KMT5B: variants seen among roughly 807,000 people sequenced by gnomAD.
The protein encoded by KMT5B is histone-lysine N-methyltransferase KMT5B.
KMT5B carries 10 observed loss-of-function variants against 83.2 expected under a neutral mutation model. The ratio of observed to expected loss-of-function variants is 0.12; its 90% CI spans 0.07 to 0.20. The LOEUF is 0.20. Ranked by LOEUF, KMT5B falls within the 10% of genes least tolerant of loss-of-function variation. KMT5B has a pLI of 1.00. For synonymous variants in KMT5B, 349 were observed against 388.8 expected, an observed-to-expected ratio of 0.90 and a Z score of 1.20; for missense variants, 753 against 1,067.2, an observed-to-expected ratio of 0.71 and a Z score of 4.10.
chr11:68,209,812 T>G (rs1301156293), intron 1 of KMT5B, among the ~76,000 whole-genome samples: 1 of 152,030 alleles, frequency 6.6e-6, no homozygotes. Context: ...GTGTACCACC[T>G]AGAGGTTTAT....
chr11:68,210,430 T>G (rs73494631), intron 1 of KMT5B, among the ~76,000 whole-genome samples: 1 of 152,196 alleles, frequency 6.6e-6, no homozygotes, highest in Non-Finnish European at 1.5e-5. Context: ...GGCAGTGAAG[T>G]GTAAAAGATG....
intron 1 of KMT5B, among the ~76,000 whole-genome samples, chr11:68,201,487 G>A (rs1417442352): frequency 2.6e-5 from 4 of 151,970 alleles, no homozygotes; most frequent in African/African-American, 7.3e-5. Context: ...TGACTTTTGA[G>A]AAATTGTGTC....
In KMT5B at chr11:68,159,048, T is replaced by C. The variant is rs139388711; in HGVS notation, c.1298A>G (p.Asn433Ser). ...CAGTTTCTTTGGTACCCTGGAATTATTTATATGAGTTAGCTTAGATGAGGT... is the reference window on the plus strand; with the variant it reads ...CAGTTTCTTTGGTACCCTGGAATTACTTATATGAGTTAGCTTAGATGAGGT... The part of the protein sequence containing the change: ...NSTSSKLTHI[N>S]NSRVPKKLKK... Residue 433 changes from asparagine (N) to serine (S), a missense_variant, in exon 11 of 11, where the codon AAT becomes AGT. Around this residue, in one of 9 missense-constraint regions of KMT5B, gnomAD observed 397 missense variants for 395.9 expected, o/e 1.00. Transcript: ENST00000304363. 1.0e-3 allele frequency: 1,633 copies of C among 1,613,120 alleles called. 6 individuals are homozygous for C. The highest frequency in any genetic ancestry group is 3.8e-3 in the South Asian group (343 of 90,682).
At chr11:68,162,233 G>A (rs1266186192) in intron 10 of KMT5B, among the ~76,000 whole-genome samples, 1 of 152,190 alleles carries the variant, frequency 6.6e-6, no homozygotes, top group Non-Finnish European at 1.5e-5. Flanking sequence ...TAGCCAGGAT[G>A]ACTTTCCTAG....
At chr11:68,194,013 A>T (rs1858402773) in intron 1 of KMT5B, among the ~76,000 whole-genome samples, 1 of 152,180 alleles carries the variant, frequency 6.6e-6, no homozygotes, top group South Asian at 2.1e-4. Context: ...CTTGAGAAAA[A>T]GAGCAATGGG....
intron 1 of KMT5B, among the ~76,000 whole-genome samples, chr11:68,205,510 T>C (rs1270706812): frequency 6.6e-6 from 1 of 152,232 alleles, no homozygotes; most frequent in East Asian, 1.9e-4. Flanking sequence ...ATTTTTCTAT[T>C]TATATTAAAA....
chr11:68,190,187 T>C (rs1857879777), intron 1 of KMT5B, 35 bp from the exon 2 acceptor site: 1 of 931,914 alleles, frequency 1.1e-6, no homozygotes, highest in Non-Finnish European at 1.7e-6. Context: ...CAAAACAAAA[T>C]GGGGAGATAA....
At chr11:68,201,747 C>G (rs1859467492) in intron 1 of KMT5B, among the ~76,000 whole-genome samples, 1 of 151,788 alleles carries the variant, frequency 6.6e-6, no homozygotes, top group Non-Finnish European at 1.5e-5. Context: ...GAAACAATCC[C>G]CAAGTGGTTG....
chr11:68,188,521 G>A (rs989163905), intron 2 of KMT5B, among the ~76,000 whole-genome samples: 4 of 151,722 alleles, frequency 2.6e-5, no homozygotes, highest in African/African-American at 9.7e-5. Flanking sequence ...TAATTTTTTT[G>A]TAGACACGGT....
chr11:68,157,637 AT>A lies in KMT5B; in HGVS notation c.*50del. 6.7e-7 allele frequency: 1 copy of A among 1,492,420 alleles called. No homozygotes were observed. The highest frequency in any genetic ancestry group is 8.9e-7 in the Non-Finnish European group (1 of 1,125,388). The allele number at this position is 1,492,420 out of a possible 1,614,324, so 92.4% of individuals were successfully genotyped here. A position where few individuals can be genotyped will look rare whatever the true frequency, so the allele number is the denominator to read the frequency against. On this transcript the variant is annotated 3_prime_UTR_variant, in exon 11 of 11. Coordinates refer to ENST00000304363, the MANE Select transcript of KMT5B (RefSeq NM_017635.5). ...TTCAGTTGAGGAATAATTGACTGGAATTTTTTATTTCTTTAAAGTAGTTATC... is the reference window on the plus strand; with the variant it reads ...TTCAGTTGAGGAATAATTGACTGGAATTTTTATTTCTTTAAAGTAGTTATC...
chr11:68,181,582 C>G (rs946189588), intron 3 of KMT5B, among the ~76,000 whole-genome samples: 1 of 151,932 alleles, frequency 6.6e-6, no homozygotes, highest in African/African-American at 2.4e-5. Flanking sequence ...TCTTTTGCAC[C>G]CCAAAGAGAG....
In KMT5B at chr11:68,158,614, G is replaced by C; in HGVS notation, c.1732C>G (p.Gln578Glu). ...VTEPCPDSGEQLQPAPVLQEE... is the reference protein window; with the variant it reads ...VTEPCPDSGEELQPAPVLQEE... ...TGCAGCACAGGAGCTGGCTGCAGCT[G>C]TTCACCACTGTCGGGGCAAGGTTCC... is the stretch of plus-strand genomic sequence containing the variant. Residue 578 changes from glutamine (Q) to glutamate (E), a missense_variant, in exon 11 of 11, where the codon CAG (glutamine) becomes GAG (glutamate). Gln to Glu is a conservative substitution (Grantham distance 29). This residue lies in a region of KMT5B where 397 missense variants were observed against 395.9 expected (regional missense o/e 1.00). Coordinates refer to ENST00000304363, the MANE Select transcript of KMT5B (RefSeq NM_017635.5). 1 of 1,614,194 alleles carries C rather than the reference G, an allele frequency of 6.2e-7. No individual in the cohort carries two copies. Among genetic ancestry groups the C allele is most frequent in the African/African-American group, 1.3e-5 (1 of 75,036 alleles).
intron 10 of KMT5B, among the ~76,000 whole-genome samples, chr11:68,163,663 C>T (rs1190005466): frequency 1.3e-5 from 2 of 152,194 alleles, no homozygotes; most frequent in East Asian, 3.9e-4. Flanking sequence ...CTGGAGGATC[C>T]AGAAGGCCTC....
At chr11:68,197,810 A>G (rs1040193063) in intron 1 of KMT5B, among the ~76,000 whole-genome samples, 10 of 152,200 alleles carry the variant, frequency 6.6e-5, no homozygotes, top group Admixed American at 3.3e-4. Context: ...GCAGAGAGAG[A>G]TTCTCCACAG....
Position 68,157,808 on chromosome 11 carries a change from T to G in KMT5B, c.2538A>C (p.Glu846Asp), listed in dbSNP as rs1859404988. 6.2e-7 allele frequency: 1 copy of G among 1,614,160 alleles called. No individual in the cohort carries two copies. Among genetic ancestry groups the G allele is most frequent in the Non-Finnish European group, 8.5e-7 (1 of 1,180,034 alleles). The change falls in exon 11 of 11, where the codon GAA becomes GAC. Residue 846 changes from glutamate to aspartate, a missense_variant. Coordinates refer to ENST00000304363, the MANE Select transcript of KMT5B (RefSeq NM_017635.5). The stretch of plus-strand genomic sequence containing the variant: ...CTGGAGGAAGAGGAATAAAATCGTC[T>G]TCAAAGTCATCATCATAGTCATCCT... The part of the protein sequence containing the change: ...EEEDDYDDDF[E>D]DDFIPLPPAK...
chr11:68,201,676 C>G (rs2153084297), intron 1 of KMT5B, among the ~76,000 whole-genome samples: 1 of 152,106 alleles, frequency 6.6e-6, no homozygotes, highest in African/African-American at 2.4e-5. Context: ...ACCCTCTAGC[C>G]AGTTGACATG....
chr11:68,179,682 G>T, intron 4 of KMT5B: 1 of 1,105,516 alleles, frequency 9.0e-7, no homozygotes, highest in African/African-American at 1.7e-5. Context: ...GAGGAAGAGA[G>T]AAAAATGCTC....
intron 10 of KMT5B, among the ~76,000 whole-genome samples, chr11:68,160,830 C>T (rs2011157): frequency 0.43 from 65,099 of 151,944 alleles, 14,919 homozygotes; most frequent in East Asian, 0.64. Context: ...GCCTGTAATC[C>T]CAGCTACTGG....
chr11:68,174,212 T>TA, intron 5 of KMT5B: 1 of 465,978 alleles, frequency 2.1e-6, no homozygotes, highest in Non-Finnish European at 4.1e-6. Flanking sequence ...ATTCTGCCTC[T>TA]AAAAAAACAA....
Sources: allele counts gnomAD v4.1 joint callset (sites outside exome capture counted in the v4.1 genomes callset), GRCh38; gene constraint gnomAD v4.1.1; regional missense constraint gnomAD v4.1.1; transcripts MANE v1.5; gene names NCBI Gene and HGNC (gene_info 2026-07-23, HGNC 2026-07-21).